The following PCDHGB7 variants were observed in gnomAD, a reference collection of about 807,000 sequenced individuals.
PCDHGB7 encodes protocadherin gamma-B7.
PCDHGB7 carries 37 observed loss-of-function variants against 61.4 expected under a neutral mutation model. That is an observed-to-expected ratio of 0.60 (90% CI 0.46 to 0.79). The LOEUF (loss-of-function observed/expected upper bound fraction) is 0.79, where lower values mean the gene tolerates loss of function less well. Among genes scored for constraint, PCDHGB7 ranks in the 30% least tolerant of loss-of-function variants. The pLI is 0.00. For missense variants in PCDHGB7, 1,166 were observed against 1,202.5 expected, an observed-to-expected ratio of 0.97 and a Z score of 0.45; for synonymous variants, 464 against 503.5, an observed-to-expected ratio of 0.92 and a Z score of 1.05.
At chr5:141,452,511 A>G (rs573632978) in intron 1 of PCDHGB7, among the ~76,000 whole-genome samples, 1 of 152,056 alleles carries the variant, frequency 6.6e-6, no homozygotes, top group South Asian at 2.1e-4. Context: ...TTGTACACAC[A>G]CTCCCTCAAA....
intron 1 of PCDHGB7, chr5:141,422,919 G>A (rs1445179310): frequency 3.7e-6 from 6 of 1,614,238 alleles, no homozygotes; most frequent in Non-Finnish European, 5.1e-6. Flanking sequence ...CCGAGATCCT[G>A]TACCCTGCCC....
intron 1 of PCDHGB7, chr5:141,421,949 C>T (rs749189262): frequency 6.2e-6 from 10 of 1,612,856 alleles, no homozygotes; most frequent in Non-Finnish European, 6.8e-6. Flanking sequence ...GATCACATCC[C>T]AATGTTTACA....
chr5:141,446,230 G>A (rs548647406), intron 1 of PCDHGB7, among the ~76,000 whole-genome samples: 22 of 152,208 alleles, frequency 1.4e-4, no homozygotes, highest in African/African-American at 4.6e-4. Context: ...GTGTTGCCTG[G>A]CAAGTGGTAG....
chr5:141,441,823 C>A (rs538052540), intron 1 of PCDHGB7: 6 of 357,336 alleles, frequency 1.7e-5, no homozygotes, highest in South Asian at 7.1e-5. Flanking sequence ...AGCTCTGGAG[C>A]GCAATGGCTT....
At chr5:141,433,257 G>A (rs764036349) in intron 1 of PCDHGB7, 4 of 1,385,412 alleles carry the variant, frequency 2.9e-6, no homozygotes, top group Non-Finnish European at 4.0e-6. Context: ...GCAGCGGTAC[G>A]ATCATAGCTC....
chr5:141,444,915 T>C (rs1262912255), intron 1 of PCDHGB7, among the ~76,000 whole-genome samples: 1 of 152,174 alleles, frequency 6.6e-6, no homozygotes, highest in East Asian at 1.9e-4. Flanking sequence ...TCTATACCTT[T>C]ATCAGGGAAA....
chr5:141,473,186 T>C (rs984810414), intron 1 of PCDHGB7, among the ~76,000 whole-genome samples: 1 of 152,134 alleles, frequency 6.6e-6, no homozygotes, highest in African/African-American at 2.4e-5. Flanking sequence ...CTTGAAGGAG[T>C]AAATGTATCT....
intron 1 of PCDHGB7, among the ~76,000 whole-genome samples, chr5:141,439,251 A>G (rs1467023466): frequency 6.6e-6 from 1 of 152,112 alleles, no homozygotes; most frequent in Non-Finnish European, 1.5e-5. Context: ...ATTTCAGCTG[A>G]AGATTCAGCC....
chr5:141,428,090 G>A (rs1415146154), intron 1 of PCDHGB7: 1 of 1,608,870 alleles, frequency 6.2e-7, no homozygotes, highest in Non-Finnish European at 8.5e-7. Flanking sequence ...ACGCTTGGCT[G>A]TCCTACCACG....
At position 141,432,669 on chromosome 5, in the gene PCDHGB7, C is replaced by T. The variant is rs777314784; in HGVS notation, c.2415+12395C>T. ...GCGCGAGCCCTGCTGGACAGAGACG[C>T]GCTCAAGCAGAGCCTCGTAGTGGCC... On this transcript the variant is annotated intron_variant, in intron 1 of 3. Transcript: ENST00000398594. This position sits in a 1 kb window ranked among gnomAD's most constrained non-coding sequence, Gnocchi z 6.0. 1 of 1,613,894 alleles carries T rather than the reference C, an allele frequency of 6.2e-7. No homozygotes were observed.
rs1332652972 is a variant in PCDHGB7, at chr5:141,432,381, C to T, written c.2415+12107C>T. On this transcript the variant is annotated intron_variant, in intron 1 of 3. Transcript: ENST00000398594. The surrounding 1 kb of genome is among the most constrained non-coding windows in gnomAD (Gnocchi z 6.0). ...ATGGCGCGGGACAACGGGCACCCGCCCCTCAGCAGCAACGTGTCGTTGAGC... is the reference window on the plus strand; with the variant it reads ...ATGGCGCGGGACAACGGGCACCCGCTCCTCAGCAGCAACGTGTCGTTGAGC... 1 of 1,614,256 alleles carries T rather than the reference C, an allele frequency of 6.2e-7. No homozygotes were observed. The highest frequency in any genetic ancestry group is 1.1e-5 in the South Asian group (1 of 91,082).
In PCDHGB7 at chr5:141,432,856, G is replaced by C; in HGVS notation, c.2415+12582G>C. 1 of 1,614,142 alleles carries C rather than the reference G, an allele frequency of 6.2e-7. No homozygotes were observed. The highest frequency in any genetic ancestry group is 1.7e-5 in the Admixed American group (1 of 60,030). On this transcript the variant is annotated intron_variant, in intron 1 of 3. Coordinates refer to ENST00000398594, the MANE Select transcript of PCDHGB7 (RefSeq NM_018927.4). This position sits in a 1 kb window ranked among gnomAD's most constrained non-coding sequence, Gnocchi z 6.0. Reference sequence around the variant, plus strand: ...TGTACCTGGTGGTAGCGGTGGCCGCGGTCTCCTGCGTCTTCCTGGCCTTCG... The same window carrying C: ...TGTACCTGGTGGTAGCGGTGGCCGCCGTCTCCTGCGTCTTCCTGGCCTTCG...
At chr5:141,453,379 C>T (rs980792532) in intron 1 of PCDHGB7, among the ~76,000 whole-genome samples, 1 of 152,050 alleles carries the variant, frequency 6.6e-6, no homozygotes, top group Non-Finnish European at 1.5e-5. Context: ...AGTGATCCTC[C>T]TGCCTTAGCC....
At chr5:141,447,797 T>C (rs536848880) in intron 1 of PCDHGB7, among the ~76,000 whole-genome samples, 16 of 152,022 alleles carry the variant, frequency 1.1e-4, no homozygotes, top group Admixed American at 7.9e-4. Context: ...TTTAAGAAAA[T>C]AAAATTGGCT....
chr5:141,430,578 C>A (rs1561846151), intron 1 of PCDHGB7: 8 of 470,816 alleles, frequency 1.7e-5, no homozygotes, highest in East Asian at 1.0e-4. Flanking sequence ...AGCGGAGATC[C>A]TGCTCGCCTT....
chr5:141,489,427 C>T lies in PCDHGB7; in HGVS notation c.2416-5380C>T, dbSNP rs370540900. 83 of 1,613,990 alleles carry T rather than the reference C, an allele frequency of 5.1e-5. No individual in the cohort carries two copies. The highest frequency in any genetic ancestry group is 8.3e-5 in the Admixed American group (5 of 59,996). On this transcript the variant is annotated intron_variant, in intron 1 of 3. Transcript: ENST00000398594. The surrounding 1 kb of genome is among the most constrained non-coding windows in gnomAD (Gnocchi z 4.5). ...AAAGATGACAGATCTGTTGAGCCGGCGGCTGCAATTGGGCTCTGAGGAGAA... is the reference window on the plus strand; with the variant it reads ...AAAGATGACAGATCTGTTGAGCCGGTGGCTGCAATTGGGCTCTGAGGAGAA...
chr5:141,491,178 C>T lies in PCDHGB7; in HGVS notation c.2416-3629C>T, dbSNP rs774139827. 6.2e-7 allele frequency: 1 copy of T among 1,614,146 alleles called. No individual in the cohort carries two copies. The highest frequency in any genetic ancestry group is 8.5e-7 in the Non-Finnish European group (1 of 1,179,992). On this transcript the variant is annotated intron_variant, in intron 1 of 3. Coordinates refer to ENST00000398594, the MANE Select transcript of PCDHGB7 (RefSeq NM_018927.4). The surrounding 1 kb of genome is among the most constrained non-coding windows in gnomAD (Gnocchi z 6.9). ...ACTCTGACACCCAGCAGGTGGTGGT[C>T]CTGGTGAGGGACAATGGTGACCCTT...
chr5:141,417,999 TG>T lies in PCDHGB7; in HGVS notation c.144del (p.Asn49ThrfsTer6). On this transcript the variant is annotated frameshift_variant, in exon 1 of 4. Transcript: ENST00000398594. LOFTEE classifies it high-confidence loss of function. ...GAGGAGCTGGCCAAGGGCTCGGTGG[TG>T]GGGAACCTCGCTAAGGATCTAGGGC... ...IPEELAKGSV[V>X]GNLAKDLGLS... 6.2e-7 allele frequency: 1 copy of T among 1,613,838 alleles called. No homozygotes were observed. The highest frequency in any genetic ancestry group is 8.5e-7 in the Non-Finnish European group (1 of 1,179,758).
intron 1 of PCDHGB7, chr5:141,424,783 T>C (rs1285808638): frequency 1.3e-5 from 2 of 152,212 alleles, no homozygotes; most frequent in African/African-American, 4.8e-5. Flanking sequence ...TACATTCAGT[T>C]CTTTTATTCA....
Sources: gnomAD v4.1 joint callset for allele counts (sites outside exome capture counted in the v4.1 genomes callset) on GRCh38, gnomAD v4.1.1 for gene constraint, Gnocchi (gnomAD v3.1) non-coding constraint, MANE v1.5 for transcripts, NCBI Gene and HGNC (gene_info 2026-07-23, HGNC 2026-07-21) for gene names.